Variants in RAB2A observed in about 807,000 individuals in gnomAD.
The protein encoded by RAB2A is ras-related protein Rab-2A.
Under a neutral mutation model 32.5 loss-of-function variants are expected in RAB2A, and 7 were observed. The observed-to-expected ratio is 0.22, with a 90% CI of 0.12 to 0.40. The LOEUF (loss-of-function observed/expected upper bound fraction) is 0.40, where lower values mean the gene tolerates loss of function less well. RAB2A is among the 10% of genes least tolerant of loss of function. The probability of loss-of-function intolerance (pLI) is 1.00; values close to 1 mark genes in which losing one functional copy is unlikely to be tolerated. For missense variants in RAB2A, 108 were observed against 260.7 expected, an observed-to-expected ratio of 0.41 and a Z score of 4.03; for synonymous variants, 79 against 85.2, an observed-to-expected ratio of 0.93 and a Z score of 0.40.
chr8:60,613,314 C>A (rs908431681), intron 6 of RAB2A, among the ~76,000 whole-genome samples: 24 of 152,150 alleles, frequency 1.6e-4, no homozygotes, highest in African/African-American at 4.8e-4. Context: ...GACGTTCATG[C>A]CAACAGCTGA....
At chr8:60,527,701 A>G (rs1450605579) in intron 1 of RAB2A, among the ~76,000 whole-genome samples, 1 of 152,088 alleles carries the variant, frequency 6.6e-6, no homozygotes, top group African/African-American at 2.4e-5. Flanking sequence ...CAAAAAGACA[A>G]CCCTGCTCAT....
At chr8:60,545,586 C>T (rs1807714993) in intron 1 of RAB2A, among the ~76,000 whole-genome samples, 1 of 152,200 alleles carries the variant, frequency 6.6e-6, no homozygotes, top group South Asian at 2.1e-4. Context: ...GGCAAGGAAT[C>T]TGCATTTTTA....
intron 2 of RAB2A, among the ~76,000 whole-genome samples, chr8:60,568,350 A>T (rs1808146756): frequency 7.4e-6 from 1 of 135,340 alleles, no homozygotes; most frequent in African/African-American, 2.7e-5. Flanking sequence ...GCTCTGACAG[A>T]TGGCTCTTTC....
At chr8:60,582,853 G>A (rs1258172826) in intron 3 of RAB2A, among the ~76,000 whole-genome samples, 1 of 152,108 alleles carries the variant, frequency 6.6e-6, no homozygotes, top group African/African-American at 2.4e-5. Flanking sequence ...GGAACACTAG[G>A]CATAAATGGG....
intron 1 of RAB2A, chr8:60,552,001 G>GATTTTTTTTTTTTTTT (rs1807856887): frequency 9.1e-6 from 1 of 109,752 alleles, no homozygotes. Context: ...GTAGCTGGGA[G>GATTTTTTTTTTTTTTT]TTTTTTTTTT....
chr8:60,608,913 G>T (rs1339456463), intron 6 of RAB2A, among the ~76,000 whole-genome samples: 1 of 152,022 alleles, frequency 6.6e-6, no homozygotes, highest in Non-Finnish European at 1.5e-5. Context: ...ACCTGTTATT[G>T]TTTCTGCCTA....
chr8:60,604,250 TA>T (rs1804187078), intron 6 of RAB2A, among the ~76,000 whole-genome samples: 2 of 152,348 alleles, frequency 1.3e-5, no homozygotes, highest in South Asian at 4.1e-4. Context: ...CAGATACCAC[TA>T]TCATGCTTCC....
chr8:60,620,680 G>C lies in RAB2A; in HGVS notation c.550G>C (p.Gly184Arg). Reference protein sequence around the residue: ...GVFDINNEANGIKIGPQHAAT... With the variant: ...GVFDINNEANRIKIGPQHAAT... ...CTGTTCTCTTTTATTTCAGGCAAAT[G>C]GCATTAAAATTGGCCCTCAGCATGC... The change falls in exon 8 of 8, where the codon GGC (glycine) becomes CGC (arginine). Residue 184 changes from glycine (G) to arginine (R), a missense_variant. This residue lies in a region of RAB2A where 79 missense variants were observed against 199.8 expected (regional missense o/e 0.40). Transcript: ENST00000262646. The C allele has an allele frequency of 6.2e-7, 1 of 1,611,356 alleles. No homozygotes were observed.
chr8:60,594,910 T>C (rs964564228), intron 6 of RAB2A, among the ~76,000 whole-genome samples: 13 of 152,228 alleles, frequency 8.5e-5, no homozygotes, highest in Non-Finnish European at 8.8e-5. Flanking sequence ...GTTCCAAGTC[T>C]TTGCTATTGT....
At chr8:60,546,923 ATTCTTGGGTGT>A (rs1807737662) in intron 1 of RAB2A, among the ~76,000 whole-genome samples, 1 of 79,974 alleles carries the variant, frequency 1.3e-5, no homozygotes, top group Non-Finnish European at 2.4e-5. Flanking sequence ...TTTATTGATC[ATTCTTGGGTGT>A]TTCTCGCAGA....
At chr8:60,529,932 A>G (rs1807450369) in intron 1 of RAB2A, among the ~76,000 whole-genome samples, 1 of 152,160 alleles carries the variant, frequency 6.6e-6, no homozygotes, top group Admixed American at 6.5e-5. Flanking sequence ...CAGCATATCT[A>G]AATCTCTCTC....
intron 3 of RAB2A, among the ~76,000 whole-genome samples, chr8:60,580,813 CT>C (rs1316164352): frequency 1.3e-5 from 2 of 152,124 alleles, no homozygotes; most frequent in African/African-American, 2.4e-5. Context: ...TCTTTACTAT[CT>C]CTTATCTAGG....
intron 6 of RAB2A, among the ~76,000 whole-genome samples, chr8:60,612,026 A>G (rs1804358613): frequency 6.6e-6 from 1 of 152,142 alleles, no homozygotes. Context: ...TTTGTTCCAT[A>G]GGTATACATG....
chr8:60,527,730 C>G (rs1487582032), intron 1 of RAB2A, among the ~76,000 whole-genome samples: 1 of 152,150 alleles, frequency 6.6e-6, no homozygotes. Context: ...ATCATAGTAT[C>G]CATTATTTTT....
intron 1 of RAB2A, among the ~76,000 whole-genome samples, chr8:60,547,836 C>T (rs1374900818): frequency 7.0e-5 from 8 of 114,480 alleles, no homozygotes; most frequent in Non-Finnish European, 1.8e-5. Context: ...GGGGGCTGAC[C>T]CCCCCACCTC....
At chr8:60,539,490 A>T (rs1807606475) in intron 1 of RAB2A, among the ~76,000 whole-genome samples, 1 of 152,250 alleles carries the variant, frequency 6.6e-6, no homozygotes, top group East Asian at 1.9e-4. Context: ...AATCAGCATC[A>T]TACACAGGAT....
intron 1 of RAB2A, among the ~76,000 whole-genome samples, chr8:60,543,149 T>C (rs1260051003): frequency 6.6e-6 from 1 of 152,200 alleles, no homozygotes; most frequent in Non-Finnish European, 1.5e-5. Flanking sequence ...GAAAGATGAC[T>C]CTTGATTAGT....
intron 1 of RAB2A, among the ~76,000 whole-genome samples, chr8:60,536,810 G>C (rs1807564807): frequency 6.6e-6 from 1 of 152,178 alleles, no homozygotes; most frequent in African/African-American, 2.4e-5. Context: ...ATCTGAGAAA[G>C]AACAAATTCA....
intron 2 of RAB2A, among the ~76,000 whole-genome samples, chr8:60,566,208 C>T (rs1312563703): frequency 6.6e-6 from 1 of 152,168 alleles, no homozygotes; most frequent in Admixed American, 6.6e-5. Flanking sequence ...ACACACAAAG[C>T]TGTTCTAATT....
Sources: gnomAD v4.1 joint callset for allele counts (sites outside exome capture counted in the v4.1 genomes callset) on GRCh38, gnomAD v4.1.1 for gene constraint, gnomAD v4.1.1 regional missense constraint, MANE v1.5 for transcripts, NCBI Gene and HGNC (gene_info 2026-07-23, HGNC 2026-07-21) for gene names.